The following TOX variants were observed in gnomAD, a reference collection of about 807,000 sequenced individuals.
The protein encoded by TOX is thymocyte selection-associated high mobility group box protein TOX.
Under a neutral mutation model 53.7 loss-of-function variants are expected in TOX, and 11 were observed. The ratio of observed to expected loss-of-function variants is 0.20; its 90% CI spans 0.13 to 0.34. The LOEUF is 0.34. TOX is among the 10% of genes least tolerant of loss of function. The probability of loss-of-function intolerance (pLI) is 1.00; values close to 1 mark genes in which losing one functional copy is unlikely to be tolerated. For synonymous variants in TOX, 225 were observed against 245.3 expected, an observed-to-expected ratio of 0.92 and a Z score of 0.77; for missense variants, 570 against 664.6, an observed-to-expected ratio of 0.86 and a Z score of 1.56.
intron 1 of TOX, among the ~76,000 whole-genome samples, chr8:59,109,460 G>A (rs1804974122): frequency 2.0e-5 from 3 of 152,130 alleles, no homozygotes; most frequent in African/African-American, 7.2e-5. Context: ...ATTTTGGAAA[G>A]AGAATAGGTG....
intron 4 of TOX, among the ~76,000 whole-genome samples, chr8:58,838,577 A>ATAGTGTAAATATTATTACACTATTAAAT (rs1810588844): frequency 2.0e-5 from 3 of 152,088 alleles, no homozygotes; most frequent in Admixed American, 2.0e-4. Context: ...TATTAAATAC[A>ATAGTGTAAATATTATTACACTATTAAAT]ACCCCTTAAC....
chr8:59,055,244 T>C (rs939707141), intron 1 of TOX, among the ~76,000 whole-genome samples: 2 of 152,128 alleles, frequency 1.3e-5, no homozygotes, highest in Non-Finnish European at 2.9e-5. Context: ...ACAAGCACTG[T>C]TGTAAAGCAA....
chr8:58,808,380 C>G (rs1037573606), intron 7 of TOX, 111 bp from the exon 8 acceptor site: 2 of 1,369,834 alleles, frequency 1.5e-6, no homozygotes, highest in Non-Finnish European at 1.9e-6. Context: ...GCTTCTGTCT[C>G]TGCAAGGGCA....
intron 1 of TOX, among the ~76,000 whole-genome samples, chr8:59,098,538 T>C (rs2129424240): frequency 6.6e-6 from 1 of 152,248 alleles, no homozygotes; most frequent in Non-Finnish European, 1.5e-5. Context: ...GGCAGGTCCA[T>C]TTTTGAAAGC....
chr8:58,944,582 T>C (rs1812496390), intron 2 of TOX, among the ~76,000 whole-genome samples: 1 of 152,210 alleles, frequency 6.6e-6, no homozygotes. Context: ...TGAAGCCCAA[T>C]GGACAAGGTC....
chr8:58,974,703 A>G (rs1389786690), intron 1 of TOX, among the ~76,000 whole-genome samples: 1 of 107,130 alleles, frequency 9.3e-6, no homozygotes. Context: ...TCTTCAAACT[A>G]CACATAAAAA....
At chr8:58,919,182 C>T (rs2129174556) in intron 3 of TOX, among the ~76,000 whole-genome samples, 1 of 151,174 alleles carries the variant, frequency 6.6e-6, no homozygotes, top group Admixed American at 6.6e-5. Flanking sequence ...CAATGACTTT[C>T]TTCACAGAAT....
rs535783638 is a variant in TOX at position 59,008,432 on chromosome 8, G to T, written c.103-48424C>A. Among the ~76,000 whole-genome samples, 7 of 152,290 alleles carry T rather than the reference G, an allele frequency of 4.6e-5. No individual in the cohort carries two copies. In the South Asian group the frequency reaches 1.5e-3, roughly 32 times the overall value. ...GAAGCAATCTATGCTCACTCAAACCGAGCCCTGTGGGAGGGTCTGCTGGGC... is the reference window on the plus strand; with the variant it reads ...GAAGCAATCTATGCTCACTCAAACCTAGCCCTGTGGGAGGGTCTGCTGGGC... On this transcript the variant is annotated intron_variant, in intron 1 of 8. Coordinates refer to ENST00000361421, the MANE Select transcript of TOX (RefSeq NM_014729.3).
chr8:58,930,992 T>A (rs1812245334), intron 3 of TOX, among the ~76,000 whole-genome samples: 1 of 152,168 alleles, frequency 6.6e-6, no homozygotes, highest in Non-Finnish European at 1.5e-5. Flanking sequence ...CTTTGTTTGC[T>A]AAATAATTGA....
At chr8:59,116,617 A>G (rs1015718140) in intron 1 of TOX, among the ~76,000 whole-genome samples, 5 of 152,346 alleles carry the variant, frequency 3.3e-5, no homozygotes, top group Middle Eastern at 6.8e-3. Context: ...AGTGACAAAT[A>G]TATCTGATGG....
chr8:58,962,826 G>A (rs1044963748), intron 1 of TOX, among the ~76,000 whole-genome samples: 20 of 152,104 alleles, frequency 1.3e-4, no homozygotes, highest in Admixed American at 1.1e-3. Flanking sequence ...TATTTGGCCT[G>A]GCAGAAAACT....
chr8:59,086,936 G>C (rs770485322), intron 1 of TOX, among the ~76,000 whole-genome samples: 1 of 152,112 alleles, frequency 6.6e-6, no homozygotes, highest in Non-Finnish European at 1.5e-5. Context: ...CTGATGGTAG[G>C]ATGAAGTTAG....
rs1426504970 is a variant in TOX, at chr8:58,873,552, T to C, written c.412-21747A>G. 2.0e-5 allele frequency among the ~76,000 whole-genome samples: 3 copies of C among 152,152 alleles called. No individual in the cohort carries two copies. The South Asian group carries it at 6.2e-4, about 31-fold the overall frequency. Reference sequence around the variant, plus strand: ...TCAACTGTCTTTTTAACCAAGGAACTACTGCATCCTGATGCTTCTACTACA... The same window carrying C: ...TCAACTGTCTTTTTAACCAAGGAACCACTGCATCCTGATGCTTCTACTACA... On this transcript the variant is annotated intron_variant, in intron 3 of 8. Transcript: ENST00000361421.
At chr8:58,989,465 C>T (rs929698269) in intron 1 of TOX, among the ~76,000 whole-genome samples, 1 of 152,162 alleles carries the variant, frequency 6.6e-6, no homozygotes, top group African/African-American at 2.4e-5. Context: ...GGGTGCATTC[C>T]TCTGTCCGGT....
chr8:58,929,504 A>G (rs538793192), intron 3 of TOX, among the ~76,000 whole-genome samples: 16 of 152,258 alleles, frequency 1.1e-4, no homozygotes, highest in African/African-American at 3.4e-4. Context: ...AAATGAAAAA[A>G]AAATCTAAAA....
At chr8:59,033,259 C>G (rs1814393194) in intron 1 of TOX, among the ~76,000 whole-genome samples, 1 of 152,144 alleles carries the variant, frequency 6.6e-6, no homozygotes, top group African/African-American at 2.4e-5. Flanking sequence ...CTATGAGATC[C>G]TAGAAGGCTC....
intron 1 of TOX, among the ~76,000 whole-genome samples, chr8:59,087,346 T>C (rs1201582421): frequency 6.6e-6 from 1 of 152,174 alleles, no homozygotes. Flanking sequence ...ACAAACTTCA[T>C]CAAAGAAAGC....
chr8:58,875,433 TTC>T (rs1346595670), intron 3 of TOX, among the ~76,000 whole-genome samples: 1 of 152,188 alleles, frequency 6.6e-6, no homozygotes, highest in Non-Finnish European at 1.5e-5. Context: ...TTTTTGCATT[TTC>T]TCTCTGTCAT....
chr8:59,038,089 G>T (rs1803502728), intron 1 of TOX, among the ~76,000 whole-genome samples: 1 of 152,096 alleles, frequency 6.6e-6, no homozygotes. Context: ...TCCTGAATTA[G>T]GTATCCAACA....
Sources: allele counts gnomAD v4.1 joint callset (sites outside exome capture counted in the v4.1 genomes callset), GRCh38; gene constraint gnomAD v4.1.1; transcripts MANE v1.5; gene names NCBI Gene and HGNC (gene_info 2026-07-23, HGNC 2026-07-21).